NDUFA10: variants seen among roughly 807,000 people sequenced by gnomAD.
NDUFA10 encodes the protein NADH:ubiquinone oxidoreductase subunit A10, also known as NADH dehydrogenase [ubiquinone] 1 alpha subcomplex subunit 10, mitochondrial.
NDUFA10 carries 40 observed loss-of-function variants against 47.8 expected under a neutral mutation model. The ratio of observed to expected loss-of-function variants is 0.84; its 90% CI spans 0.65 to 1.09. NDUFA10 has a LOEUF of 1.09. NDUFA10 is among the 50% of genes least tolerant of loss of function. The pLI, the probability that NDUFA10 is intolerant of heterozygous loss-of-function variation, is 0.00. For missense variants in NDUFA10, 413 were observed against 451.1 expected, an observed-to-expected ratio of 0.92 and a Z score of 0.76; for synonymous variants, 183 against 172.2, an observed-to-expected ratio of 1.06 and a Z score of -0.49.
intron 4 of NDUFA10, among the ~76,000 whole-genome samples, chr2:239,950,822 C>T (rs1192449378): frequency 6.6e-6 from 1 of 152,216 alleles, no homozygotes; most frequent in African/African-American, 2.4e-5. Context: ...AAACACCACA[C>T]AGCTCCATTC....
Position 240,020,971 on chromosome 2 carries a change from A to G in NDUFA10, c.460+226T>C, listed in dbSNP as rs940188376. ...CTTAAAGTAGTGCCTTGAGAATTCT[A>G]TACAATCCATAAATCTCACTCCAGT... is the stretch of plus-strand genomic sequence containing the variant. On this transcript the variant is annotated intron_variant, in intron 3 of 9. Coordinates refer to ENST00000252711, the MANE Select transcript of NDUFA10 (RefSeq NM_004544.4). 9.9e-6 allele frequency: 6 copies of G among 603,982 alleles called. No individual in the cohort carries two copies. The African/African-American group carries it at 1.1e-4, about 11-fold the overall frequency. 37.4% of individuals were successfully genotyped at this position (603,982 alleles called of 1,614,324 possible).
At chr2:239,924,545 G>C (rs1406589256) in intron 4 of NDUFA10, among the ~76,000 whole-genome samples, 4 of 151,968 alleles carry the variant, frequency 2.6e-5, no homozygotes, top group Admixed American at 1.3e-4. Flanking sequence ...CAGGTAGAGA[G>C]AGGAACTTCC....
chr2:239,935,815 CT>C (rs1371742533), intron 4 of NDUFA10, among the ~76,000 whole-genome samples: 3 of 152,210 alleles, frequency 2.0e-5, no homozygotes, highest in Admixed American at 2.0e-4. Context: ...TGCCTTTCAC[CT>C]TCTGCCATGA....
chr2:239,932,038 A>G (rs766941601), intron 4 of NDUFA10, among the ~76,000 whole-genome samples: 1 of 151,424 alleles, frequency 6.6e-6, no homozygotes, highest in East Asian at 2.0e-4. Flanking sequence ...GTTTCACCAT[A>G]TTAGCCAGGA....
At chr2:239,938,745 G>A (rs1176006217) in intron 4 of NDUFA10, among the ~76,000 whole-genome samples, 7 of 152,182 alleles carry the variant, frequency 4.6e-5, no homozygotes, top group African/African-American at 9.7e-5. Flanking sequence ...GCTAGGAAAC[G>A]AGGCAGGGGA....
chr2:239,955,948 A>T (rs1260899696), downstream of NDUFA10, among the ~76,000 whole-genome samples: 1 of 152,178 alleles, frequency 6.6e-6, no homozygotes. Flanking sequence ...AGTCCTCCAG[A>T]GGAAAGCTCT....
chr2:239,898,602 G>A (rs1029785330), intron 4 of NDUFA10, among the ~76,000 whole-genome samples: 1 of 152,202 alleles, frequency 6.6e-6, no homozygotes, highest in Admixed American at 6.5e-5. Context: ...CTCCAGGAAC[G>A]CCTCTCCTTC....
At chr2:240,018,782 T>G in intron 3 of NDUFA10, 143 bp from the exon 4 acceptor site, 5 of 938,586 alleles carry the variant, frequency 5.3e-6, no homozygotes, top group Non-Finnish European at 8.3e-6. Context: ...AACATAGACA[T>G]ATTTGTAAGT....
intron 4 of NDUFA10, among the ~76,000 whole-genome samples, chr2:239,904,324 GTC>G (rs990220175): frequency 2.5e-4 from 38 of 152,020 alleles, no homozygotes; most frequent in South Asian, 2.1e-4. Flanking sequence ...TTTAGACGTA[GTC>G]TCTCTCTGTC....
At chr2:239,970,647 G>A (rs188591961) in intron 9 of NDUFA10, among the ~76,000 whole-genome samples, 166 of 152,338 alleles carry the variant, frequency 1.1e-3, no homozygotes, top group African/African-American at 3.0e-3. Context: ...CTGTGGCCTC[G>A]GGCCAGATAC....
At chr2:239,941,631 TG>T in intron 4 of NDUFA10, among the ~76,000 whole-genome samples, 1 of 149,604 alleles carries the variant, frequency 6.7e-6, no homozygotes, top group Non-Finnish European at 1.5e-5. Flanking sequence ...GAGGCTGAGG[TG>T]GGAAAATGAT....
At chr2:240,010,229 T>C (rs1697088664) in intron 6 of NDUFA10, among the ~76,000 whole-genome samples, 3 of 152,236 alleles carry the variant, frequency 2.0e-5, no homozygotes, top group Admixed American at 2.0e-4. Context: ...TAAGATCTAC[T>C]TTAACAATGA....
chr2:239,947,574 C>T (rs1341725147), intron 4 of NDUFA10, among the ~76,000 whole-genome samples: 1 of 152,108 alleles, frequency 6.6e-6, no homozygotes, highest in Non-Finnish European at 1.5e-5. Context: ...CGGCTCCTGA[C>T]TCTCTGAGGC....
intron 8 of NDUFA10, among the ~76,000 whole-genome samples, chr2:239,991,350 A>G (rs1440029343): frequency 6.6e-6 from 1 of 152,258 alleles, no homozygotes; most frequent in Non-Finnish European, 1.5e-5. Context: ...AACTGCTGCC[A>G]GGATAACAAT....
In NDUFA10 at chr2:240,025,339, A is replaced by G; in HGVS notation, c.-38T>C. ...AGCTCAGGATCAAGGACCCAAGGGG[A>G]CGCGGTCGCGACGGGGCCCTCTCTC... On this transcript the variant is annotated 5_prime_UTR_variant, in exon 1 of 10. Coordinates refer to ENST00000252711, the MANE Select transcript of NDUFA10 (RefSeq NM_004544.4). 6.8e-7 allele frequency: 1 copy of G among 1,470,394 alleles called. No individual in the cohort carries two copies. Among genetic ancestry groups the G allele is most frequent in the Non-Finnish European group, 9.0e-7 (1 of 1,111,284 alleles). 91.1% of individuals were successfully genotyped at this position (1,470,394 alleles called of 1,614,324 possible).
Position 239,994,704 on chromosome 2 carries a change from T to C in NDUFA10, c.891-4522A>G, listed in dbSNP as rs1394266066. ...CCAAAAAGGTTTGGGACCGCTGCAA[T>C]AGAGCAGTTTAAAGAGAAGGTGGAG... On this transcript the variant is annotated intron_variant, in intron 8 of 9. Transcript: ENST00000252711. 6.6e-5 allele frequency among the ~76,000 whole-genome samples: 10 copies of C among 152,196 alleles called. No individual in the cohort carries two copies. The East Asian group carries it at 1.9e-3, about 29-fold the overall frequency.
At chr2:239,903,051 G>A (rs1016668780) in intron 4 of NDUFA10, among the ~76,000 whole-genome samples, 3 of 152,152 alleles carry the variant, frequency 2.0e-5, no homozygotes, top group African/African-American at 7.2e-5. Context: ...GAACTCACAT[G>A]GGCAATGAGT....
intron 4 of NDUFA10, among the ~76,000 whole-genome samples, chr2:239,950,786 C>A (rs1694538643): frequency 6.6e-6 from 1 of 152,174 alleles, no homozygotes; most frequent in Non-Finnish European, 1.5e-5. Context: ...CCTGCTCGTG[C>A]CTGCAGCTTC....
chr2:239,907,072 T>C (rs950071944), intron 4 of NDUFA10, among the ~76,000 whole-genome samples: 1 of 152,084 alleles, frequency 6.6e-6, no homozygotes, highest in Admixed American at 6.5e-5. Context: ...TATAGACCAA[T>C]GGAACAGATT....
Sources: gnomAD v4.1 joint callset for allele counts (sites outside exome capture counted in the v4.1 genomes callset) on GRCh38, gnomAD v4.1.1 for gene constraint, MANE v1.5 for transcripts, NCBI Gene and HGNC (gene_info 2026-07-23, HGNC 2026-07-21) for gene names.